MAP2K1: variants seen among roughly 807,000 people sequenced by gnomAD.
MAP2K1 encodes dual specificity mitogen-activated protein kinase kinase 1.
In MAP2K1, 16 loss-of-function variants were observed where a neutral mutation model predicts 46.3. The observed-to-expected ratio is 0.35, with a 90% CI of 0.23 to 0.52. The LOEUF is 0.52. Among genes scored for constraint, MAP2K1 ranks in the 20% least tolerant of loss-of-function variants. The pLI, the probability that MAP2K1 is intolerant of heterozygous loss-of-function variation, is 0.94. For missense variants in MAP2K1, 263 were observed against 497.1 expected (o/e 0.53, Z 4.48); for synonymous variants, 183 against 185.6 (o/e 0.99, Z 0.11).
chr15:66,485,896 TTTTTG>T (rs1277896482), intron 7 of MAP2K1, among the ~76,000 whole-genome samples: 5 of 151,972 alleles, frequency 3.3e-5, no homozygotes, highest in East Asian at 1.9e-4. Flanking sequence ...TTGTGGGTTT[TTTTTG>T]TTTTGTTTTG....
intron 5 of MAP2K1, among the ~76,000 whole-genome samples, chr15:66,481,465 C>T (rs1039332707): frequency 6.6e-6 from 1 of 152,202 alleles, no homozygotes; most frequent in African/African-American, 2.4e-5. Context: ...TAACGGACTC[C>T]TTCCTGTGGA....
At chr15:66,427,814 G>C (rs2093463038) in intron 1 of MAP2K1, among the ~76,000 whole-genome samples, 1 of 151,704 alleles carries the variant, frequency 6.6e-6, no homozygotes, top group Non-Finnish European at 1.5e-5. Context: ...AGGAGTTAGA[G>C]ACCAGCCTGG....
At chr15:66,485,819 A>G (rs1025639586) in intron 7 of MAP2K1, among the ~76,000 whole-genome samples, 3 of 152,128 alleles carry the variant, frequency 2.0e-5, no homozygotes, top group Admixed American at 6.5e-5. Flanking sequence ...GGCTCAAGCA[A>G]TCCTCCCGCC....
intron 5 of MAP2K1, among the ~76,000 whole-genome samples, chr15:66,481,091 A>G (rs1333544852): frequency 6.6e-6 from 1 of 152,136 alleles, no homozygotes; most frequent in Non-Finnish European, 1.5e-5. Context: ...TCTGAGGAGC[A>G]GCTTTAAGGC....
intron 8 of MAP2K1, among the ~76,000 whole-genome samples, chr15:66,487,602 C>T (rs1893086179): frequency 6.8e-6 from 1 of 146,872 alleles, no homozygotes; most frequent in Non-Finnish European, 1.5e-5. Flanking sequence ...CAAAACAAAA[C>T]AAAAAAACAA....
At chr15:66,466,092 G>A (rs1892458222) in intron 5 of MAP2K1, among the ~76,000 whole-genome samples, 1 of 152,036 alleles carries the variant, frequency 6.6e-6, no homozygotes, top group African/African-American at 2.4e-5. Flanking sequence ...CCCTGTACAG[G>A]GACTGTGTAG....
intron 10 of MAP2K1, 30 bp from the exon 11 acceptor site, chr15:66,490,472 C>A: frequency 6.8e-7 from 1 of 1,477,674 alleles, no homozygotes; most frequent in South Asian, 1.1e-5. Context: ...TTCTTTTTAA[C>A]ACCACGTCCT....
At chr15:66,443,429 G>T (rs1891774556) in intron 4 of MAP2K1, 72 bp downstream of exon 4, 2 of 964,116 alleles carry the variant, frequency 2.1e-6, no homozygotes, top group Non-Finnish European at 3.4e-6. Context: ...AAATGGACAA[G>T]AGAGGAAGAT....
chr15:66,392,255 G>GTTTTTTTTTTT lies in MAP2K1; in HGVS notation c.80+4842_80+4852dup, dbSNP rs58831070. Among the ~76,000 whole-genome samples the GTTTTTTTTTTT allele has an allele frequency of 1.6e-3, 160 of 97,754 alleles. 5 individuals are homozygous for GTTTTTTTTTTT. The highest frequency in any genetic ancestry group is 7.2e-3 in the African/African-American group (159 of 22,044). 64.1% of individuals were successfully genotyped at this position (97,754 alleles called of 152,430 possible). On this transcript the variant is annotated intron_variant, in intron 1 of 10. Coordinates refer to ENST00000307102, the MANE Select transcript of MAP2K1 (RefSeq NM_002755.4). Reference sequence around the variant, plus strand: ...ACGAATATTTGTGTGTTTTTTTTGGGTTTTTTTTTTTTTTTTTTTTTTTTA... The same window carrying GTTTTTTTTTTT: ...ACGAATATTTGTGTGTTTTTTTTGGGTTTTTTTTTTTTTTTTTTTTTTTTTTTTTTTTTTTA...
intron 5 of MAP2K1, among the ~76,000 whole-genome samples, chr15:66,480,084 T>A (rs912489385): frequency 6.6e-6 from 1 of 151,620 alleles, no homozygotes; most frequent in Non-Finnish European, 1.5e-5. Context: ...TTTTTATTTA[T>A]TTATTTAATA....
rs73471713 is a variant in MAP2K1 at position 66,440,569 on chromosome 15, A to G, written c.439-2711A>G. On this transcript the variant is annotated intron_variant, in intron 3 of 10. Transcript: ENST00000307102. ...CTCTGATCAGAACAGGAATGCTTTT[A>G]TCTTTGGGGAAGTAGATTGCTGCTC... Among the ~76,000 whole-genome samples the G allele has an allele frequency of 8.6e-3, 1,313 of 152,312 alleles. 28 individuals are homozygous for G. The highest frequency in any genetic ancestry group is 0.03 in the African/African-American group (1,250 of 41,566).
chr15:66,393,177 T>C (rs866878147), intron 1 of MAP2K1, among the ~76,000 whole-genome samples: 1 of 150,114 alleles, frequency 6.7e-6, no homozygotes, highest in Non-Finnish European at 1.5e-5. Flanking sequence ...TCTCTTTCTC[T>C]CTCTCTTTTT....
intron 1 of MAP2K1, among the ~76,000 whole-genome samples, chr15:66,414,450 A>T (rs1250018271): frequency 1.3e-5 from 2 of 152,154 alleles, no homozygotes; most frequent in East Asian, 1.9e-4. Flanking sequence ...AAGAAGAGGC[A>T]TATAGGGTAA....
intron 5 of MAP2K1, 90 bp from the exon 6 acceptor site, chr15:66,481,665 G>C: frequency 6.7e-7 from 1 of 1,488,478 alleles, no homozygotes; most frequent in Admixed American, 1.7e-5. Context: ...GGGACTCGTG[G>C]TCAGGGCTGG....
chr15:66,474,302 C>T (rs1264025480), intron 5 of MAP2K1, among the ~76,000 whole-genome samples: 1 of 152,172 alleles, frequency 6.6e-6, no homozygotes, highest in Non-Finnish European at 1.5e-5. Context: ...TGTTTGAATT[C>T]AGTTGCTAAT....
At chr15:66,467,189 G>T (rs567908713) in intron 5 of MAP2K1, among the ~76,000 whole-genome samples, 5 of 152,110 alleles carry the variant, frequency 3.3e-5, no homozygotes, top group Admixed American at 3.3e-4. Flanking sequence ...AGCCAAGATT[G>T]TGTCATTGCA....
At chr15:66,485,670 C>T (rs1893022892) in intron 7 of MAP2K1, among the ~76,000 whole-genome samples, 1 of 151,902 alleles carries the variant, frequency 6.6e-6, no homozygotes. Context: ...CCTCAACCTC[C>T]CAGGCCCAAG....
chr15:66,399,900 C>G (rs1437210808), intron 1 of MAP2K1, among the ~76,000 whole-genome samples: 1 of 151,934 alleles, frequency 6.6e-6, no homozygotes, highest in East Asian at 1.9e-4. Context: ...TGGCTATCGC[C>G]CAGCTGTTTT....
chr15:66,449,431 G>A (rs186520688), intron 5 of MAP2K1, among the ~76,000 whole-genome samples: 1 of 152,316 alleles, frequency 6.6e-6, no homozygotes, highest in Admixed American at 6.5e-5. Flanking sequence ...ACATATAGCA[G>A]ATGAGTGGCT....
Sources: allele counts gnomAD v4.1 joint callset (sites outside exome capture counted in the v4.1 genomes callset), GRCh38; gene constraint gnomAD v4.1.1; transcripts MANE v1.5; gene names NCBI Gene and HGNC (gene_info 2026-07-23, HGNC 2026-07-21).